Variants in NDRG1 observed in about 807,000 individuals in gnomAD.
NDRG1 encodes protein NDRG1.
In NDRG1, 32 loss-of-function variants were observed where a neutral mutation model predicts 56.9. The observed-to-expected ratio is 0.56, with a 90% confidence interval of 0.42 to 0.76. The LOEUF is 0.76. Ranked by LOEUF, NDRG1 falls within the 30% of genes least tolerant of loss-of-function variation. The probability of loss-of-function intolerance (pLI) is 0.00; values close to 1 mark genes in which losing one functional copy is unlikely to be tolerated. For missense variants in NDRG1, 507 were observed against 545.7 expected, an observed-to-expected ratio of 0.93 and a Z score of 0.71; for synonymous variants, 211 against 204.1, an observed-to-expected ratio of 1.03 and a Z score of -0.29.
At chr8:133,252,283 CG>C (rs1856096046) in intron 9 of NDRG1, among the ~76,000 whole-genome samples, 1 of 152,104 alleles carries the variant, frequency 6.6e-6, no homozygotes, top group Non-Finnish European at 1.5e-5. Context: ...TCAGTAGAGA[CG>C]GGGTTTCACC....
At chr8:133,275,981 C>T (rs1857435779) in intron 3 of NDRG1, among the ~76,000 whole-genome samples, 1 of 152,230 alleles carries the variant, frequency 6.6e-6, no homozygotes. Context: ...GCATCCCCAG[C>T]ACCTAAACTA....
chr8:133,265,630 T>A (rs2130746345), intron 3 of NDRG1, among the ~76,000 whole-genome samples: 1 of 152,038 alleles, frequency 6.6e-6, no homozygotes, highest in Admixed American at 6.5e-5. Context: ...CTCCCAGTCA[T>A]CCCTGCACCT....
chr8:133,278,519 T>C (rs1857585131), intron 3 of NDRG1, among the ~76,000 whole-genome samples: 1 of 152,134 alleles, frequency 6.6e-6, no homozygotes, highest in Non-Finnish European at 1.5e-5. Context: ...GGCCAGGGCA[T>C]GGGAGAAGCC....
chr8:133,247,430 T>C (rs563057126), intron 12 of NDRG1, among the ~76,000 whole-genome samples: 3 of 152,376 alleles, frequency 2.0e-5, no homozygotes, highest in African/African-American at 4.8e-5. Context: ...CTCTCTTTGC[T>C]GCCACAAAGT....
At chr8:133,267,611 G>A (rs1733824612) in intron 3 of NDRG1, among the ~76,000 whole-genome samples, 1 of 152,216 alleles carries the variant, frequency 6.6e-6, no homozygotes, top group Non-Finnish European at 1.5e-5. Context: ...GCCCAGCCCT[G>A]AAGCCACTGT....
chr8:133,264,496 C>A (rs1347367212), intron 4 of NDRG1, 51 bp downstream of exon 4: 1 of 1,568,940 alleles, frequency 6.4e-7, no homozygotes, highest in Admixed American at 1.7e-5. Flanking sequence ...CCTTTTTCCG[C>A]CACTCTCTTG....
intron 3 of NDRG1, among the ~76,000 whole-genome samples, chr8:133,274,603 CTT>C (rs933287143): frequency 6.6e-6 from 1 of 152,200 alleles, no homozygotes; most frequent in Non-Finnish European, 1.5e-5. Flanking sequence ...CACAGCAACT[CTT>C]GAGTCCTACA....
At chr8:133,244,586 C>T in intron 13 of NDRG1, 196 bp from the exon 14 acceptor site, 1 of 664,746 alleles carries the variant, frequency 1.5e-6, no homozygotes, top group Non-Finnish European at 2.7e-6. Context: ...GTCTCCGTGG[C>T]AACCATCACT....
At chr8:133,259,520 A>C in intron 5 of NDRG1, 1 of 478,820 alleles carries the variant, frequency 2.1e-6, no homozygotes, top group Middle Eastern at 5.8e-4. Context: ...AAGATTATAA[A>C]CATCACTGAG....
In NDRG1 at chr8:133,256,864, C is replaced by T; in HGVS notation, c.451-1G>A. 1.2e-6 allele frequency: 2 copies of T among 1,613,894 alleles called. No homozygotes were observed. The highest frequency in any genetic ancestry group is 1.7e-6 in the Non-Finnish European group (2 of 1,179,888). Reference sequence around the variant, plus strand: ...CCTCCACCATCTCAGGGTTGTTTAGCTGCAATTCAAGACACAAAGTGAGAC... The same window carrying T: ...CCTCCACCATCTCAGGGTTGTTTAGTTGCAATTCAAGACACAAAGTGAGAC... On this transcript the variant is annotated splice_acceptor_variant, in intron 7 of 15. Coordinates refer to ENST00000323851, the MANE Select transcript of NDRG1 (RefSeq NM_006096.4). LOFTEE classifies it high-confidence loss of function.
chr8:133,264,705 C>T (rs1586452158), intron 3 of NDRG1, 53 bp from the exon 4 acceptor site: 4 of 1,497,484 alleles, frequency 2.7e-6, no homozygotes, highest in East Asian at 2.3e-5. Context: ...ATGGCATCCG[C>T]GTGGCTGAAG....
chr8:133,268,884 C>CACAT (rs1857049833), intron 3 of NDRG1, among the ~76,000 whole-genome samples: 1 of 151,912 alleles, frequency 6.6e-6, no homozygotes, highest in Non-Finnish European at 1.5e-5. Context: ...CACACACACA[C>CACAT]ACACAACAAA....
Position 133,259,277 on chromosome 8 carries a change from G to A in NDRG1, c.327-47C>T, listed in dbSNP as rs750299646. 5.0e-6 allele frequency: 8 copies of A among 1,585,356 alleles called. No individual in the cohort carries two copies. The East Asian group carries it at 8.9e-5, about 18-fold the overall frequency. Reference sequence around the variant, plus strand: ...CATTAGTGAGCGCCCGGACAGAAACGGGTAATCCAAACAGGGACACGCTTG... The same window carrying A: ...CATTAGTGAGCGCCCGGACAGAAACAGGTAATCCAAACAGGGACACGCTTG... On this transcript the variant is annotated intron_variant, in intron 5 of 15. Coordinates refer to ENST00000323851, the MANE Select transcript of NDRG1 (RefSeq NM_006096.4).
intron 1 of NDRG1, among the ~76,000 whole-genome samples, chr8:133,296,012 C>A (rs1012434879): frequency 6.7e-6 from 1 of 150,206 alleles, no homozygotes; most frequent in Non-Finnish European, 1.5e-5. Flanking sequence ...GGACAACAGG[C>A]GGGGGATATG....
intron 3 of NDRG1, among the ~76,000 whole-genome samples, chr8:133,278,267 G>A (rs1006521548): frequency 6.7e-6 from 1 of 148,878 alleles, no homozygotes; most frequent in Admixed American, 6.8e-5. Context: ...TGACTTCCCT[G>A]GGTGCATTTT....
chr8:133,292,592 C>T (rs956285532), intron 1 of NDRG1, among the ~76,000 whole-genome samples: 4 of 152,114 alleles, frequency 2.6e-5, no homozygotes, highest in African/African-American at 9.7e-5. Flanking sequence ...TAAGCATTCC[C>T]AGCTGAGAGA....
intron 3 of NDRG1, among the ~76,000 whole-genome samples, chr8:133,274,500 C>A (rs1393611530): frequency 6.6e-6 from 1 of 152,150 alleles, no homozygotes; most frequent in African/African-American, 2.4e-5. Flanking sequence ...GGAAGCTATG[C>A]CCAGGGCAAG....
intron 3 of NDRG1, among the ~76,000 whole-genome samples, chr8:133,273,896 T>TC (rs990390599): frequency 3.3e-5 from 5 of 151,102 alleles, no homozygotes; most frequent in Non-Finnish European, 5.9e-5. Flanking sequence ...CCCAAAATAC[T>TC]CCCCCCCTCC....
chr8:133,259,402 C>T, intron 5 of NDRG1, 172 bp from the exon 6 acceptor site: 3 of 680,384 alleles, frequency 4.4e-6, no homozygotes, highest in Non-Finnish European at 8.0e-6. Flanking sequence ...CTGCAGCACA[C>T]TCTATCAATT....
Sources: gnomAD v4.1 joint callset for allele counts (sites outside exome capture counted in the v4.1 genomes callset) on GRCh38, gnomAD v4.1.1 for gene constraint, MANE v1.5 for transcripts, NCBI Gene and HGNC (gene_info 2026-07-23, HGNC 2026-07-21) for gene names.